The following CATSPER4 variants were observed in gnomAD, a reference collection of about 807,000 sequenced individuals.
CATSPER4 encodes cation channel sperm associated 4.
CATSPER4 carries 46 observed loss-of-function variants against 54.4 expected under a neutral mutation model. The ratio of observed to expected loss-of-function variants is 0.84; its 90% CI spans 0.67 to 1.08. CATSPER4 has a LOEUF of 1.08. CATSPER4 is among the 50% of genes least tolerant of loss of function. CATSPER4 has a pLI of 0.00. For missense variants in CATSPER4, 574 were observed against 612.8 expected (o/e 0.94, Z 0.67); for synonymous variants, 230 against 231.9 (o/e 0.99, Z 0.08).
chr1:26,192,619 T>G (rs1356138262), intron 2 of CATSPER4, among the ~76,000 whole-genome samples: 31 of 145,860 alleles, frequency 2.1e-4, no homozygotes, highest in South Asian at 4.3e-4. Context: ...TAGAGACAGG[T>G]TCTCGCTCTG....
intron 3 of CATSPER4, among the ~76,000 whole-genome samples, chr1:26,194,256 C>T (rs1441933262): frequency 6.6e-6 from 1 of 152,240 alleles, no homozygotes; most frequent in Non-Finnish European, 1.5e-5. Flanking sequence ...GGCTGTACAG[C>T]CTCTGTTACC....
At position 26,190,636 on chromosome 1, in the gene CATSPER4, T is replaced by C. The variant is rs915094528; in HGVS notation, c.9T>C (p.Asp3=). 9 of 1,602,328 alleles carry C rather than the reference T, an allele frequency of 5.6e-6. No homozygotes were observed. The highest frequency in any genetic ancestry group is 1.7e-5 in the Admixed American group (1 of 59,814). Residue 3 remains aspartate (D), a synonymous_variant, in exon 1 of 10, where the codon GAT becomes GAC. Transcript: ENST00000456354. ...GAAGAGACTGAGCAAACATGAGGGATAATGAAAAGGCCTGGTGGCAGCAAT... is the reference window on the plus strand; with the variant it reads ...GAAGAGACTGAGCAAACATGAGGGACAATGAAAAGGCCTGGTGGCAGCAAT... The part of the protein sequence containing the change: MR[D]NEKAWWQQWT...
intron 1 of CATSPER4, 112 bp downstream of exon 1, chr1:26,190,952 C>T: frequency 1.0e-6 from 1 of 990,686 alleles, no homozygotes; most frequent in East Asian, 2.6e-5. Flanking sequence ...GAAGACCCTC[C>T]CTAGCACTGA....
intron 7 of CATSPER4, among the ~76,000 whole-genome samples, chr1:26,200,359 G>C (rs2088993171): frequency 6.6e-6 from 1 of 152,132 alleles, no homozygotes; most frequent in Admixed American, 6.6e-5. Context: ...AATAATAATA[G>C]TACTTAACTC....
In CATSPER4 at chr1:26,197,717, T is replaced by C. The variant is rs930231813; in HGVS notation, c.491T>C (p.Val164Ala). ...TGGAACATCCTCAACTTCATTATCGTCTTTATCTTGCTCTTGCGGTTCTTC... is the reference window on the plus strand; with the variant it reads ...TGGAACATCCTCAACTTCATTATCGCCTTTATCTTGCTCTTGCGGTTCTTC... Reference protein sequence around the residue: ...DGWNILNFIIVFILLLRFFIN... With the variant: ...DGWNILNFIIAFILLLRFFIN... Residue 164 changes from valine to alanine, a missense_variant, in exon 4 of 10, where the codon GTC becomes GCC. Transcript: ENST00000456354. 4 of 1,613,644 alleles carry C rather than the reference T, an allele frequency of 2.5e-6. No homozygotes were observed. Among genetic ancestry groups the C allele is most frequent in the African/African-American group, 2.7e-5 (2 of 74,908 alleles).
chr1:26,194,286 G>T (rs559572011), intron 3 of CATSPER4, among the ~76,000 whole-genome samples: 2 of 152,328 alleles, frequency 1.3e-5, no homozygotes, highest in South Asian at 2.1e-4. Context: ...CTCTGCCATG[G>T]CAGCACAAAA....
intron 3 of CATSPER4, among the ~76,000 whole-genome samples, chr1:26,194,108 A>G (rs1354648901): frequency 6.6e-6 from 1 of 152,212 alleles, no homozygotes; most frequent in Non-Finnish European, 1.5e-5. Flanking sequence ...AGCCTTCCCC[A>G]GCTCTGTAGT....
At chr1:26,192,725 C>T (rs1330843246) in intron 2 of CATSPER4, among the ~76,000 whole-genome samples, 2 of 152,010 alleles carry the variant, frequency 1.3e-5, no homozygotes, top group Non-Finnish European at 2.9e-5. Context: ...CCATGCTGGG[C>T]TGAGGACTAT....
intron 3 of CATSPER4, among the ~76,000 whole-genome samples, 174 bp from the exon 4 acceptor site, chr1:26,197,512 T>G (rs1012964574): frequency 6.6e-6 from 1 of 152,068 alleles, no homozygotes; most frequent in Admixed American, 6.5e-5. Context: ...AGAGTACACG[T>G]GTGTTTTGTG....
chr1:26,200,159 T>G, intron 7 of CATSPER4, 101 bp downstream of exon 7: 2 of 1,382,774 alleles, frequency 1.4e-6, no homozygotes, highest in Non-Finnish European at 2.0e-6. Context: ...ATCAAGGGCC[T>G]GGAGAAAGCC....
chr1:26,197,572 C>A (rs1569906378), intron 3 of CATSPER4, 114 bp from the exon 4 acceptor site: 2 of 753,426 alleles, frequency 2.7e-6, no homozygotes, highest in East Asian at 2.6e-5. Context: ...AGCTGACTGG[C>A]CCTGCTCTGA....
chr1:26,192,759 G>A (rs1303182936), intron 2 of CATSPER4, among the ~76,000 whole-genome samples: 1 of 151,858 alleles, frequency 6.6e-6, no homozygotes, highest in African/African-American at 2.4e-5. Context: ...TTGAATAATG[G>A]TGTGGATGTC....
intron 2 of CATSPER4, among the ~76,000 whole-genome samples, chr1:26,192,131 T>C (rs973277634): frequency 6.9e-6 from 1 of 145,080 alleles, no homozygotes; most frequent in Admixed American, 6.9e-5. Context: ...TTTAATTTCT[T>C]TTTTTTTTTT....
chr1:26,202,446 C>G (rs376750882), intron 9 of CATSPER4, 43 bp from the exon 10 acceptor site: 2 of 1,572,782 alleles, frequency 1.3e-6, no homozygotes, highest in Non-Finnish European at 1.7e-6. Flanking sequence ...GCTGCCATAT[C>G]GGGGGGAGTG....
intron 3 of CATSPER4, among the ~76,000 whole-genome samples, chr1:26,197,434 G>GT (rs2088954939): frequency 6.6e-6 from 1 of 152,238 alleles, no homozygotes; most frequent in South Asian, 2.1e-4. Context: ...GACCAGCCAT[G>GT]TATCTGTAAG....
At chr1:26,197,593 G>A in intron 3 of CATSPER4, 93 bp from the exon 4 acceptor site, 2 of 851,958 alleles carry the variant, frequency 2.3e-6, no homozygotes, top group Non-Finnish European at 4.0e-6. Flanking sequence ...GAGGGACATT[G>A]AGCCCTCATC....
Position 26,197,140 on chromosome 1 carries a change from T to C in CATSPER4, c.460-546T>C, listed in dbSNP as rs139461620. Among the ~76,000 whole-genome samples the C allele has an allele frequency of 4.3e-3, 658 of 152,120 alleles. 5 individuals are homozygous for C. Among genetic ancestry groups the C allele is most frequent in the African/African-American group, 0.015 (622 of 41,500 alleles). ...CCAGGCTGGTCTCAAACTCCTGACA[T>C]CGTGATCCACCTGCCTCAGACTCCC... On this transcript the variant is annotated intron_variant, in intron 3 of 9. Transcript: ENST00000456354.
At chr1:26,193,950 C>T in intron 3 of CATSPER4, 62 bp downstream of exon 3, 1 of 1,083,134 alleles carries the variant, frequency 9.2e-7, no homozygotes, top group Non-Finnish European at 1.4e-6. Context: ...CCAGTCTGCC[C>T]CTGTACTCCT....
chr1:26,201,455 C>T lies in CATSPER4; in HGVS notation c.1301C>T (p.Ser434Phe). Residue 434 changes from serine to phenylalanine, a missense_variant, in exon 9 of 10, where the codon TCC becomes TTC. By Grantham distance (155) the Ser-to-Phe change is radical. Transcript: ENST00000456354. Reference protein sequence around the residue: ...STSGSLETTSSKDIRQMSQQQ... With the variant: ...STSGSLETTSFKDIRQMSQQQ... ...AGCGGGTCGTTGGAGACTACGTCAT[C>T]CAAGGACATCCGCCAGATGTCTCAA... 1 of 1,614,064 alleles carries T rather than the reference C, an allele frequency of 6.2e-7. No homozygotes were observed. The highest frequency in any genetic ancestry group is 1.3e-5 in the African/African-American group (1 of 75,034).
Sources: gnomAD v4.1 joint callset for allele counts (sites outside exome capture counted in the v4.1 genomes callset) on GRCh38, gnomAD v4.1.1 for gene constraint, MANE v1.5 for transcripts, NCBI Gene and HGNC (gene_info 2026-07-23, HGNC 2026-07-21) for gene names.